SLC9A8: variants seen among roughly 807,000 people sequenced by gnomAD.
SLC9A8 encodes the protein sodium/hydrogen exchanger 8.
Under a neutral mutation model 66.6 loss-of-function variants are expected in SLC9A8, and 48 were observed. The observed-to-expected ratio is 0.72, with a 90% CI of 0.57 to 0.92. SLC9A8 has a LOEUF of 0.92. Among genes scored for constraint, SLC9A8 ranks in the 40% least tolerant of loss-of-function variants. The pLI is 0.00. For synonymous variants in SLC9A8, 274 were observed against 282.6 expected (o/e 0.97, Z 0.31); for missense variants, 599 against 747.3 (o/e 0.80, Z 2.31).
intron 3 of SLC9A8, among the ~76,000 whole-genome samples, chr20:49,827,104 G>A (rs2086940842): frequency 6.6e-6 from 1 of 151,534 alleles, no homozygotes; most frequent in Admixed American, 6.6e-5. Context: ...ACCATGCCTG[G>A]CTAATTTTTG....
rs374425859 is a variant in SLC9A8, at chr20:49,887,903, C to T, written c.1713C>T (p.Ser571=). The stretch of plus-strand genomic sequence containing the variant: ...ACGAGGAGGTACGCCAGGGCCCCTC[C>T]GGCTCCGAGGACGACGAGCAGGAGC... The part of the protein sequence containing the change: ...KWYEEVRQGP[S]GSEDDEQELL Residue 571 remains serine (S), a synonymous_variant, in exon 16 of 16, where the codon TCC becomes TCT. Transcript: ENST00000361573. 111 of 1,613,700 alleles carry T rather than the reference C, an allele frequency of 6.9e-5. No individual in the cohort carries two copies. Among genetic ancestry groups the T allele is most frequent in the African/African-American group, 1.1e-4 (8 of 74,956 alleles).
chr20:49,859,895 A>T (rs1568849745), intron 8 of SLC9A8, among the ~76,000 whole-genome samples: 1 of 152,204 alleles, frequency 6.6e-6, no homozygotes, highest in Admixed American at 6.5e-5. Context: ...AAAATGTAGA[A>T]AATTACCAGG....
chr20:49,882,060 G>A (rs939474486), intron 13 of SLC9A8, among the ~76,000 whole-genome samples: 12 of 152,106 alleles, frequency 7.9e-5, no homozygotes, highest in African/African-American at 2.9e-4. Context: ...TCAACGAGGG[G>A]CACTGAACAA....
At chr20:49,882,686 TC>T (rs2089674830) in intron 13 of SLC9A8, among the ~76,000 whole-genome samples, 1 of 152,142 alleles carries the variant, frequency 6.6e-6, no homozygotes, top group African/African-American at 2.4e-5. Context: ...TGCCTTTGCA[TC>T]CCCCTTGCCC....
At position 49,887,866 on chromosome 20, in the gene SLC9A8, CCAA is replaced by C; in HGVS notation, c.1680_1682del (p.Asn560del). The C allele has an allele frequency of 6.2e-7, 1 of 1,612,976 alleles. No individual in the cohort carries two copies. The highest frequency in any genetic ancestry group is 8.5e-7 in the Non-Finnish European group (1 of 1,179,414). Reference sequence around the variant, plus strand: ...GGGCGCATCCAGATGAAAACTCTCACCAACAAGTGGTACGAGGAGGTACGCCAG... The same window carrying C: ...GGGCGCATCCAGATGAAAACTCTCACCAAGTGGTACGAGGAGGTACGCCAG... On this transcript the variant is annotated inframe_deletion, in exon 16 of 16. Transcript: ENST00000361573.
At chr20:49,848,099 T>C (rs1031398091) in intron 5 of SLC9A8, among the ~76,000 whole-genome samples, 1 of 151,910 alleles carries the variant, frequency 6.6e-6, no homozygotes, top group Admixed American at 6.6e-5. Flanking sequence ...TAATTTTGTA[T>C]TTTTAGCAGA....
intron 6 of SLC9A8, among the ~76,000 whole-genome samples, 161 bp downstream of exon 6, chr20:49,849,841 A>G (rs1421011043): frequency 6.6e-6 from 1 of 152,216 alleles, no homozygotes; most frequent in African/African-American, 2.4e-5. Flanking sequence ...GGCACAGTAG[A>G]GGCGTGCTAA....
chr20:49,888,247 AC>A lies in SLC9A8; in HGVS notation c.*318del, dbSNP rs562773742. On this transcript the variant is annotated 3_prime_UTR_variant, in exon 16 of 16. Transcript: ENST00000361573. ...AGTCATCTGTGAAGCTAGGGCGCCT[AC>A]CCCCCCACCCGGAGGACCCCTGCGG... 59 of 302,148 alleles carry A rather than the reference AC, an allele frequency of 2.0e-4. No individual in the cohort carries two copies. The highest frequency in any genetic ancestry group is 6.1e-4 in the African/African-American group (27 of 44,082). 18.7% of individuals were successfully genotyped at this position (302,148 alleles called of 1,614,324 possible). A position where few individuals can be genotyped will look rare whatever the true frequency, so the allele number is the denominator to read the frequency against.
chr20:49,839,430 A>G lies in SLC9A8; in HGVS notation c.290-111A>G, dbSNP rs190376865. 1,389 of 605,352 alleles carry G rather than the reference A, an allele frequency of 2.3e-3. 2 individuals carry two copies. Among genetic ancestry groups the G allele is most frequent in the Non-Finnish European group, 2.9e-3 (1,024 of 347,476 alleles). The allele number at this position is 605,352 out of a possible 1,614,324, so 37.5% of individuals were successfully genotyped here. ...ATGTACAAAACGAAGCTGTGCCCCA[A>G]CCACCTTGGGCACATGTCGTCAGGA... On this transcript the variant is annotated intron_variant, in intron 3 of 15. Transcript: ENST00000361573.
intron 8 of SLC9A8, among the ~76,000 whole-genome samples, chr20:49,861,898 T>C (rs988252453): frequency 7.2e-5 from 11 of 152,180 alleles, no homozygotes; most frequent in African/African-American, 2.4e-4. Flanking sequence ...CATTTCTTCT[T>C]TGGGTAGCTC....
chr20:49,844,423 T>C (rs2087892877), intron 4 of SLC9A8, among the ~76,000 whole-genome samples: 1 of 152,130 alleles, frequency 6.6e-6, no homozygotes, highest in South Asian at 2.1e-4. Flanking sequence ...ATTAATTTTC[T>C]TTCTGTACTA....
chr20:49,845,478 C>G (rs542031867), intron 5 of SLC9A8, among the ~76,000 whole-genome samples: 1 of 152,160 alleles, frequency 6.6e-6, no homozygotes, highest in Non-Finnish European at 1.5e-5. Flanking sequence ...TGTCCTGGGA[C>G]GACGGGGACA....
chr20:49,828,957 AAC>A (rs1288269315), intron 3 of SLC9A8, among the ~76,000 whole-genome samples: 11 of 151,598 alleles, frequency 7.3e-5, no homozygotes, highest in African/African-American at 2.7e-4. Flanking sequence ...ATTTCTTTTT[AAC>A]ACAGTGCAAA....
At chr20:49,823,470 A>G (rs188494989) in intron 3 of SLC9A8, among the ~76,000 whole-genome samples, 37 of 152,240 alleles carry the variant, frequency 2.4e-4, no homozygotes, top group Admixed American at 2.0e-3. Flanking sequence ...CTGACATCCA[A>G]CTCAACTAAG....
In SLC9A8 at chr20:49,847,899, AT is replaced by A. The variant is rs1440517269; in HGVS notation, c.433-1678del. Among the ~76,000 whole-genome samples the A allele has an allele frequency of 3.0e-5, 4 of 135,348 alleles. No homozygotes were observed. The East Asian group carries it at 8.9e-4, about 30-fold the overall frequency. 88.8% of individuals were successfully genotyped at this position (135,348 alleles called of 152,430 possible). ...GATCTCTGCAAACAGGTCAAAACTGATTAATCTGTTTTTTTTTTTTTTTTTT... is the reference window on the plus strand; with the variant it reads ...GATCTCTGCAAACAGGTCAAAACTGATAATCTGTTTTTTTTTTTTTTTTTT... On this transcript the variant is annotated intron_variant, in intron 5 of 15. Coordinates refer to ENST00000361573, the MANE Select transcript of SLC9A8 (RefSeq NM_015266.3).
At chr20:49,828,716 G>A (rs1215162869) in intron 3 of SLC9A8, among the ~76,000 whole-genome samples, 1 of 151,708 alleles carries the variant, frequency 6.6e-6, no homozygotes, top group Admixed American at 6.6e-5. Context: ...GCATATATCT[G>A]TAATCCCAGC....
At chr20:49,846,784 C>T (rs1390231853) in intron 5 of SLC9A8, among the ~76,000 whole-genome samples, 2 of 152,012 alleles carry the variant, frequency 1.3e-5, no homozygotes, top group South Asian at 4.2e-4. Flanking sequence ...CGTGGTGGTG[C>T]GTGCCTGTAA....
intron 11 of SLC9A8, among the ~76,000 whole-genome samples, chr20:49,876,251 C>T (rs2089423350): frequency 6.6e-6 from 1 of 152,188 alleles, no homozygotes; most frequent in Admixed American, 6.5e-5. Flanking sequence ...CTCAGAAAGC[C>T]AGGCTACAGA....
chr20:49,877,387 A>G (rs1447898647), intron 11 of SLC9A8, among the ~76,000 whole-genome samples: 1 of 152,184 alleles, frequency 6.6e-6, no homozygotes, highest in Non-Finnish European at 1.5e-5. Flanking sequence ...TTAGAAATTT[A>G]TAAGGTGCTT....
Sources: gnomAD v4.1 joint callset for allele counts (sites outside exome capture counted in the v4.1 genomes callset) on GRCh38, gnomAD v4.1.1 for gene constraint, MANE v1.5 for transcripts, NCBI Gene and HGNC (gene_info 2026-07-23, HGNC 2026-07-21) for gene names.